FAM107B: variants seen among roughly 807,000 people sequenced by gnomAD.
The protein encoded by FAM107B is protein FAM107B.
A neutral mutation model predicts 31.5 loss-of-function variants in FAM107B; 21 were observed. That is an observed-to-expected ratio of 0.67 (90% CI 0.47 to 0.96). The LOEUF (loss-of-function observed/expected upper bound fraction) is 0.96. Ranked by LOEUF, FAM107B falls within the 40% of genes least tolerant of loss-of-function variation. FAM107B has a pLI of 0.00. For missense variants in FAM107B, 452 were observed against 377.1 expected (o/e 1.20, Z -1.64); for synonymous variants, 157 against 141.5 (o/e 1.11, Z -0.78).
intron 2 of FAM107B, among the ~76,000 whole-genome samples, chr10:14,619,282 C>T (rs1450605293): frequency 6.6e-6 from 1 of 152,162 alleles, no homozygotes; most frequent in Non-Finnish European, 1.5e-5. Flanking sequence ...GGCACTTTTT[C>T]CCAAAGTGCC....
chr10:14,751,066 A>G (rs926223292), intron 1 of FAM107B, among the ~76,000 whole-genome samples: 7 of 152,186 alleles, frequency 4.6e-5, no homozygotes, highest in African/African-American at 1.7e-4. Context: ...GCCTGGCCCC[A>G]TGTGCTGTTG....
intron 2 of FAM107B, among the ~76,000 whole-genome samples, chr10:14,606,100 T>G (rs189537712): frequency 6.6e-6 from 1 of 152,284 alleles, no homozygotes; most frequent in Non-Finnish European, 1.5e-5. Context: ...TCCTGCTACA[T>G]GATCAAGTCG....
intron 3 of FAM107B, among the ~76,000 whole-genome samples, chr10:14,525,001 G>A (rs566341620): frequency 6.6e-6 from 1 of 152,286 alleles, no homozygotes; most frequent in African/African-American, 2.4e-5. Flanking sequence ...GGAAAATGGT[G>A]CTTATATGAT....
chr10:14,710,275 C>G (rs1377224368), intron 1 of FAM107B, among the ~76,000 whole-genome samples: 4 of 151,974 alleles, frequency 2.6e-5, no homozygotes, highest in Admixed American at 6.6e-5. Flanking sequence ...AGTCAGACTC[C>G]ATCTCTACAA....
intron 2 of FAM107B, among the ~76,000 whole-genome samples, chr10:14,558,294 C>T (rs1849891056): frequency 1.3e-5 from 2 of 148,830 alleles, no homozygotes; most frequent in South Asian, 4.1e-4. Context: ...CACACACATA[C>T]ACGCACACAC....
intron 2 of FAM107B, among the ~76,000 whole-genome samples, chr10:14,632,610 C>CA (rs5783414): frequency 0.06 from 5,388 of 90,218 alleles, 136 homozygotes; most frequent in Middle Eastern, 0.086. Flanking sequence ...GACTCTGTCT[C>CA]AAAAAAAAAA....
At chr10:14,657,844 T>C (rs1337278990) in intron 2 of FAM107B, among the ~76,000 whole-genome samples, 1 of 151,696 alleles carries the variant, frequency 6.6e-6, no homozygotes, top group African/African-American at 2.4e-5. Context: ...CTGGTCTCAC[T>C]CTGTCGCCCA....
intron 1 of FAM107B, among the ~76,000 whole-genome samples, chr10:14,705,248 C>T (rs187208293): frequency 1.8e-3 from 279 of 152,196 alleles, no homozygotes; most frequent in Middle Eastern, 0.014. Context: ...AACTGGAACC[C>T]TTGTACACTG....
At chr10:14,752,067 T>TTCC (rs1181561688) in intron 1 of FAM107B, among the ~76,000 whole-genome samples, 1 of 152,220 alleles carries the variant, frequency 6.6e-6, no homozygotes, top group Non-Finnish European at 1.5e-5. Flanking sequence ...GAGGATTTTT[T>TTCC]TCCATTTCAG....
intron 2 of FAM107B, among the ~76,000 whole-genome samples, chr10:14,573,971 T>C (rs906325385): frequency 3.7e-5 from 4 of 109,468 alleles, no homozygotes; most frequent in African/African-American, 1.3e-4. Flanking sequence ...TCTCTCATAA[T>C]CTACCCTTCC....
At chr10:14,574,415 C>G (rs1181731068) in intron 2 of FAM107B, among the ~76,000 whole-genome samples, 1 of 152,184 alleles carries the variant, frequency 6.6e-6, no homozygotes, top group Non-Finnish European at 1.5e-5. Context: ...TACAAATGTG[C>G]CCTGGGCAAA....
intron 2 of FAM107B, among the ~76,000 whole-genome samples, chr10:14,534,067 G>A (rs532305015): frequency 2.0e-5 from 3 of 152,296 alleles, no homozygotes; most frequent in African/African-American, 7.2e-5. Context: ...CAACACAGGG[G>A]CAAACATCTT....
intron 2 of FAM107B, chr10:14,534,640 C>T (rs1166506966): frequency 6.6e-6 from 1 of 152,214 alleles, no homozygotes; most frequent in African/African-American, 2.4e-5. Context: ...GCTTTTCCCA[C>T]CGCAGCCCCG....
intron 1 of FAM107B, among the ~76,000 whole-genome samples, chr10:14,726,015 C>T (rs537258260): frequency 1.2e-4 from 17 of 147,234 alleles, no homozygotes; most frequent in East Asian, 2.0e-4. Flanking sequence ...CTTTTTGAGA[C>T]GGAGTTTTGT....
chr10:14,565,475 TG>T (rs1850585671), intron 2 of FAM107B, among the ~76,000 whole-genome samples: 1 of 152,096 alleles, frequency 6.6e-6, no homozygotes. Context: ...GGGGAAAGAA[TG>T]AGGCCAAGTG....
At chr10:14,739,924 T>C (rs1410571483) in intron 1 of FAM107B, among the ~76,000 whole-genome samples, 5 of 152,180 alleles carry the variant, frequency 3.3e-5, no homozygotes, top group Non-Finnish European at 7.4e-5. Context: ...GTCTATCCCC[T>C]GGATTGTTTG....
intron 2 of FAM107B, chr10:14,542,562 G>A (rs978151168): frequency 6.6e-6 from 1 of 152,198 alleles, no homozygotes; most frequent in Non-Finnish European, 1.5e-5. Flanking sequence ...AGCTGAAACT[G>A]ACCAGATAAT....
chr10:14,711,971 C>CA (rs1855658520), intron 1 of FAM107B, among the ~76,000 whole-genome samples: 1 of 152,040 alleles, frequency 6.6e-6, no homozygotes, highest in Non-Finnish European at 1.5e-5. Context: ...TGTTAAGTGA[C>CA]GCAAGACTTT....
chr10:14,734,620 G>T (rs1856255905), intron 1 of FAM107B, among the ~76,000 whole-genome samples: 1 of 151,934 alleles, frequency 6.6e-6, no homozygotes, highest in Admixed American at 6.6e-5. Context: ...TTGTACCAGT[G>T]ATTACTAAGA....
Sources: gnomAD v4.1 joint callset for allele counts (sites outside exome capture counted in the v4.1 genomes callset) on GRCh38, gnomAD v4.1.1 for gene constraint, MANE v1.5 for transcripts, NCBI Gene and HGNC (gene_info 2026-07-23, HGNC 2026-07-21) for gene names.